EBF2: variants seen among roughly 807,000 people sequenced by gnomAD.
EBF2 encodes the protein transcription factor COE2.
Under a neutral mutation model 72.8 loss-of-function variants are expected in EBF2, and 21 were observed. That is an observed-to-expected ratio of 0.29 (90% CI 0.20 to 0.42). The LOEUF is 0.42. EBF2 is among the 10% of genes least tolerant of loss of function. EBF2 has a pLI of 1.00. For missense variants in EBF2, 637 were observed against 731.2 expected, an observed-to-expected ratio of 0.87 and a Z score of 1.49; for synonymous variants, 299 against 274.2, an observed-to-expected ratio of 1.09 and a Z score of -0.89.
chr8:25,895,106 A>G (rs1802846534), intron 7 of EBF2, among the ~76,000 whole-genome samples: 1 of 152,154 alleles, frequency 6.6e-6, no homozygotes, highest in South Asian at 2.1e-4. Context: ...TGCTGCTGAC[A>G]CTGGTGACAG....
At chr8:25,955,179 A>G (rs1459840097) in intron 6 of EBF2, among the ~76,000 whole-genome samples, 1 of 152,246 alleles carries the variant, frequency 6.6e-6, no homozygotes, top group African/African-American at 2.4e-5. Flanking sequence ...GGCTGGGCCC[A>G]CAGACAAGGA....
intron 6 of EBF2, among the ~76,000 whole-genome samples, chr8:26,029,582 A>G (rs1410828522): frequency 6.6e-6 from 1 of 152,212 alleles, no homozygotes; most frequent in Non-Finnish European, 1.5e-5. Context: ...TCAAGGGAAT[A>G]AACAGACTTC....
At chr8:25,995,324 A>G (rs966962311) in intron 6 of EBF2, among the ~76,000 whole-genome samples, 3 of 152,220 alleles carry the variant, frequency 2.0e-5, no homozygotes, top group Non-Finnish European at 4.4e-5. Context: ...AGAAATAAAA[A>G]TAAAAATGAT....
intron 6 of EBF2, among the ~76,000 whole-genome samples, chr8:25,991,799 T>A (rs759759625): frequency 3.9e-5 from 6 of 151,966 alleles, no homozygotes; most frequent in African/African-American, 1.2e-4. Context: ...TGAGCCGAGA[T>A]CGCACAACTG....
At chr8:25,969,868 C>G (rs530901146) in intron 6 of EBF2, among the ~76,000 whole-genome samples, 1 of 152,200 alleles carries the variant, frequency 6.6e-6, no homozygotes, top group Non-Finnish European at 1.5e-5. Flanking sequence ...CCGTGCCTGA[C>G]AGCAATATCT....
chr8:26,018,596 G>T (rs948616271), intron 6 of EBF2, among the ~76,000 whole-genome samples: 1 of 151,802 alleles, frequency 6.6e-6, no homozygotes, highest in South Asian at 2.1e-4. Context: ...GCATGAACCC[G>T]GGAGGCGGAG....
chr8:25,918,292 C>T (rs1803257896), intron 6 of EBF2, among the ~76,000 whole-genome samples: 1 of 152,202 alleles, frequency 6.6e-6, no homozygotes. Flanking sequence ...CATAGATTAG[C>T]AGATATGAGT....
rs775453200 is a variant in EBF2, at chr8:26,040,952, G to A, written c.339C>T (p.Leu113=). ...AGAAGAGCTCACCGTTGCTGTAGAG[G>A]AGCTGTAACTTGTAGTGAGTGCCGT... is the stretch of plus-strand genomic sequence containing the variant. The part of the protein sequence containing the change: ...TNNGTHYKLQ[L]LYSNGVRTEQ... Residue 113 remains leucine (L), a synonymous_variant, in exon 3 of 16, where the codon CTC becomes CTT. Transcript: ENST00000520164. 5 of 1,614,122 alleles carry A rather than the reference G, an allele frequency of 3.1e-6. No individual in the cohort carries two copies. In the African/African-American group the frequency reaches 6.7e-5, roughly 22 times the overall value.
rs1300626630 is a variant in EBF2, at chr8:26,044,488, G to C, written c.131+241C>G. 2.6e-5 allele frequency among the ~76,000 whole-genome samples: 4 copies of C among 152,252 alleles called. No individual in the cohort carries two copies. The highest frequency in any genetic ancestry group is 9.6e-5 in the African/African-American group (4 of 41,472). On this transcript the variant is annotated intron_variant, in intron 1 of 15. Coordinates refer to ENST00000520164, the MANE Select transcript of EBF2 (RefSeq NM_022659.4). The surrounding 1 kb of genome is among the most constrained non-coding windows in gnomAD (Gnocchi z 4.1). Reference sequence around the variant, plus strand: ...TTGCAAAGAGTGGACTGTGGTAAAGGAGAGGGAGAGAAACGCCTACGACCC... The same window carrying C: ...TTGCAAAGAGTGGACTGTGGTAAAGCAGAGGGAGAGAAACGCCTACGACCC...
intron 6 of EBF2, among the ~76,000 whole-genome samples, chr8:25,987,512 G>T (rs1388231655): frequency 6.6e-6 from 1 of 152,110 alleles, no homozygotes; most frequent in Non-Finnish European, 1.5e-5. Flanking sequence ...CCTTTTATGT[G>T]CTCGACACTT....
At chr8:26,038,934 C>G (rs908496268) in intron 5 of EBF2, among the ~76,000 whole-genome samples, 1 of 152,142 alleles carries the variant, frequency 6.6e-6, no homozygotes, top group Non-Finnish European at 1.5e-5. Context: ...CTGCAATTAC[C>G]CAAAGCTAGT....
At chr8:25,944,393 A>T (rs1346085797) in intron 6 of EBF2, among the ~76,000 whole-genome samples, 1 of 152,150 alleles carries the variant, frequency 6.6e-6, no homozygotes, top group Non-Finnish European at 1.5e-5. Flanking sequence ...TGGGGGCCTC[A>T]GTCTTCACTC....
rs548309452 is a variant in EBF2, at chr8:26,035,412, A to G, written c.483-2259T>C. On this transcript the variant is annotated intron_variant, in intron 5 of 15. Transcript: ENST00000520164. ...CCATCTGCCCACATCGGCCTCCCAA[A>G]GTGCTAGGATTACAGGTGTATGCCA... Among the ~76,000 whole-genome samples, 3 of 152,278 alleles carry G rather than the reference A, an allele frequency of 2.0e-5. No homozygotes were observed. In the East Asian group the frequency reaches 5.8e-4, roughly 29 times the overall value.
Position 25,860,746 on chromosome 8 carries a change from G to C in EBF2, c.1342+303C>G, listed in dbSNP as rs145307592. Among the ~76,000 whole-genome samples the C allele has an allele frequency of 7.1e-3, 1,074 of 152,040 alleles. 18 individuals are homozygous for C. Among genetic ancestry groups the C allele is most frequent in the African/African-American group, 0.025 (1,026 of 41,480 alleles). On this transcript the variant is annotated intron_variant, in intron 13 of 15. Transcript: ENST00000520164. Reference sequence around the variant, plus strand: ...TGCCCAGGCTGGTCTCAAACTCCAGGGCTCAAGCAATCTACCTGCCTCAGC... The same window carrying C: ...TGCCCAGGCTGGTCTCAAACTCCAGCGCTCAAGCAATCTACCTGCCTCAGC...
chr8:25,949,270 C>T (rs1050437658), intron 6 of EBF2, among the ~76,000 whole-genome samples: 3 of 152,186 alleles, frequency 2.0e-5, no homozygotes, highest in African/African-American at 7.2e-5. Context: ...AGGCAATCTG[C>T]CTTCAGCACG....
At chr8:25,869,851 G>A (rs956468312) in intron 10 of EBF2, among the ~76,000 whole-genome samples, 2 of 152,128 alleles carry the variant, frequency 1.3e-5, no homozygotes, top group Admixed American at 6.5e-5. Context: ...TAGCTCGTTC[G>A]ATTCTGATTG....
At position 25,909,406 on chromosome 8, in the gene EBF2, T is replaced by TAAA. The variant is rs5890265; in HGVS notation, c.552-854_552-852dup. 8.3e-3 allele frequency among the ~76,000 whole-genome samples: 1,228 copies of TAAA among 147,486 alleles called. 16 individuals carry two copies. Among genetic ancestry groups the TAAA allele is most frequent in the East Asian group, 0.072 (364 of 5,044 alleles). On this transcript the variant is annotated intron_variant, in intron 6 of 15. Coordinates refer to ENST00000520164, the MANE Select transcript of EBF2 (RefSeq NM_022659.4). ...ATTTCACTTGCAGAGTCCTTTCCCT[T>TAAA]AAAAAAAAAAAAAATCCAGCTTTTG... is the stretch of plus-strand genomic sequence containing the variant.
chr8:26,041,032 T>C (rs779533745), intron 2 of EBF2, 30 bp from the exon 3 acceptor site: 29 of 1,612,770 alleles, frequency 1.8e-5, no homozygotes, highest in Non-Finnish European at 2.3e-5. Flanking sequence ...TCGATTCCCT[T>C]GCCTTTCAGC....
intron 10 of EBF2, among the ~76,000 whole-genome samples, chr8:25,883,237 C>A (rs1802631918): frequency 6.6e-6 from 1 of 152,198 alleles, no homozygotes; most frequent in South Asian, 2.1e-4. Context: ...TCAACCACAG[C>A]CTCCTCATTC....
Sources: allele counts gnomAD v4.1 joint callset (sites outside exome capture counted in the v4.1 genomes callset), GRCh38; gene constraint gnomAD v4.1.1; non-coding constraint Gnocchi (gnomAD v3.1); transcripts MANE v1.5; gene names NCBI Gene and HGNC (gene_info 2026-07-23, HGNC 2026-07-21).